APOB: variants seen among roughly 807,000 people sequenced by gnomAD.
APOB encodes apolipoprotein B-100.
In APOB, 153 loss-of-function variants were observed where a neutral mutation model predicts 314.1. The observed-to-expected ratio is 0.49, with a 90% CI of 0.43 to 0.56. The LOEUF (loss-of-function observed/expected upper bound fraction) is 0.56, where lower values mean the gene tolerates loss of function less well. Ranked by LOEUF, APOB falls within the 20% of genes least tolerant of loss-of-function variation. The probability of loss-of-function intolerance (pLI) is 0.00; values close to 1 mark genes in which losing one functional copy is unlikely to be tolerated. For missense variants in APOB, 5,430 were observed against 5,350.7 expected (o/e 1.01, Z -0.46); for synonymous variants, 2,087 against 2,036.4 (o/e 1.02, Z -0.67).
chr2:21,014,205 A>G (rs1194656095), intron 24 of APOB, among the ~76,000 whole-genome samples: 1 of 152,234 alleles, frequency 6.6e-6, no homozygotes, highest in Non-Finnish European at 1.5e-5. Flanking sequence ...TGTACTGAAT[A>G]AAATATCTTA....
At chr2:21,039,310 C>T (rs1367441326) in intron 4 of APOB, among the ~76,000 whole-genome samples, 3 of 152,204 alleles carry the variant, frequency 2.0e-5, no homozygotes, top group Admixed American at 6.5e-5. Context: ...CTTGTTGTTA[C>T]ATTAATTCGC....
chr2:21,008,393 C>T lies in APOB; in HGVS notation c.8475G>A (p.Lys2825=). The change falls in exon 26 of 29, where the codon AAG becomes AAA. Residue 2825 remains lysine (K), a synonymous_variant. Coordinates refer to ENST00000233242, the MANE Select transcript of APOB (RefSeq NM_000384.3). ...SNPKINPLAL[K]ESVKFSSKYL... is the part of the protein sequence containing the mutation. Reference sequence around the variant, plus strand: ...ACTTGCTGGAGAACTTCACTGACTCCTTCAGAGCCAGCGGATTAATCTTAG... The same window carrying T: ...ACTTGCTGGAGAACTTCACTGACTCTTTCAGAGCCAGCGGATTAATCTTAG... The T allele has an allele frequency of 6.2e-7, 1 of 1,614,064 alleles. No individual in the cohort carries two copies. The highest frequency in any genetic ancestry group is 8.5e-7 in the Non-Finnish European group (1 of 1,179,964).
In APOB at chr2:21,008,413, T is replaced by A; in HGVS notation, c.8455A>T (p.Ile2819Phe). ...QANAQLSNPKINPLALKESVK... is the reference protein window; with the variant it reads ...QANAQLSNPKFNPLALKESVK... ...GACTCCTTCAGAGCCAGCGGATTAA[T>A]CTTAGGGTTTGAGAGTTGTGCATTT... The change falls in exon 26 of 29, where the codon ATT becomes TTT. Residue 2819 changes from isoleucine (I) to phenylalanine (F), a missense_variant. By Grantham distance (21) the Ile-to-Phe change is conservative. Transcript: ENST00000233242. 3 of 1,614,094 alleles carry A rather than the reference T, an allele frequency of 1.9e-6. No homozygotes were observed. Among genetic ancestry groups the A allele is most frequent in the African/African-American group, 2.7e-5 (2 of 75,032 alleles).
intron 20 of APOB, among the ~76,000 whole-genome samples, chr2:21,016,908 C>T (rs1009177936): frequency 2.6e-5 from 4 of 151,424 alleles, no homozygotes; most frequent in South Asian, 2.1e-4. Flanking sequence ...GGCATGAACC[C>T]GGGAGGCGGG....
In APOB at chr2:21,002,630, A is replaced by C. The variant is rs1170258448; in HGVS notation, c.12792T>G (p.Asp4264Glu). 1.2e-6 allele frequency: 2 copies of C among 1,613,860 alleles called. No homozygotes were observed. The change falls in exon 29 of 29, where the codon GAT (aspartate) becomes GAG (glutamate). Residue 4264 changes from aspartate to glutamate, a missense_variant. Asp to Glu is a conservative substitution (Grantham distance 45). Coordinates refer to ENST00000233242, the MANE Select transcript of APOB (RefSeq NM_000384.3). ...PFELRKHKLI[D>E]VISMYRELLK... is the part of the protein sequence containing the mutation. ...ACAGTTCCCTATACATCGAGATTAC[A>C]TCTATTAGTTTATGTTTCCTTAACT...
chr2:21,040,882 GT>G, intron 4 of APOB, 55 bp downstream of exon 4: 6 of 1,604,256 alleles, frequency 3.7e-6, no homozygotes, highest in Non-Finnish European at 4.3e-6. Flanking sequence ...AAACACACAA[GT>G]TCATACCTCA....
At position 21,012,133 on chromosome 2, in the gene APOB, T is replaced by C. The variant is rs751381550; in HGVS notation, c.4735A>G (p.Lys1579Glu). The change falls in exon 26 of 29, where the codon AAG (lysine) becomes GAG (glutamate). Residue 1579 changes from lysine (K) to glutamate (E), a missense_variant. Physicochemically the swap from Lys to Glu is moderately conservative, Grantham distance 56. Coordinates refer to ENST00000233242, the MANE Select transcript of APOB (RefSeq NM_000384.3). ...TLKSDTNGKY[K>E]NFATSNKMDM... ...ATCTTGTTAGAAGTGGCAAAGTTCT[T>C]ATACTTCCCATTGGTGTCAGATTTT... The C allele has an allele frequency of 1.9e-6, 3 of 1,606,506 alleles. No individual in the cohort carries two copies. The South Asian group carries it at 3.3e-5, about 18-fold the overall frequency.
Position 21,017,313 on chromosome 2 carries a change from G to T in APOB, c.3122-664C>A, listed in dbSNP as rs535824398. 4.6e-5 allele frequency among the ~76,000 whole-genome samples: 7 copies of T among 152,214 alleles called. No individual in the cohort carries two copies. In the South Asian group the frequency reaches 1.2e-3, roughly 27 times the overall value. On this transcript the variant is annotated intron_variant, in intron 20 of 28. Transcript: ENST00000233242. ...TTTCATGGGGCTTACCTTCTAGTGG[G>T]GGAGGTGTACAGGCAATAAACAAGT...
chr2:21,024,776 A>C (rs1344923110), intron 16 of APOB, 157 bp downstream of exon 16: 3 of 776,772 alleles, frequency 3.9e-6, no homozygotes, highest in Non-Finnish European at 4.6e-6. Context: ...GTGATCCAAG[A>C]GTCATCTTCA....
intron 4 of APOB, among the ~76,000 whole-genome samples, chr2:21,040,070 T>A (rs2103386637): frequency 6.6e-6 from 1 of 152,246 alleles, no homozygotes; most frequent in Middle Eastern, 3.4e-3. Context: ...CCCGTGCTGT[T>A]CTCGTGATTG....
intron 2 of APOB, 106 bp downstream of exon 2, chr2:21,043,407 C>G: frequency 7.4e-7 from 1 of 1,350,920 alleles, no homozygotes; most frequent in Middle Eastern, 1.8e-4. Context: ...CAAGGCACAC[C>G]ACGATGCCAT....
In APOB at chr2:21,043,561, A is replaced by G. The variant is rs762185387; in HGVS notation, c.83-10T>C. 3.8e-6 allele frequency: 6 copies of G among 1,598,592 alleles called. No homozygotes were observed. In the Admixed American group the frequency reaches 6.9e-5, roughly 18 times the overall value. ...TCCAGCATTTCCTCTTCTGTAAGAC[A>G]GGAGAAAGAAATCTGTGAGCTTCCC... On this transcript the variant is annotated splice_polypyrimidine_tract_variant and intron_variant, in intron 1 of 28. Coordinates refer to ENST00000233242, the MANE Select transcript of APOB (RefSeq NM_000384.3).
chr2:21,035,623 A>G lies in APOB; in HGVS notation c.779T>C (p.Ile260Thr), dbSNP rs1244158212. 3.7e-6 allele frequency: 6 copies of G among 1,613,992 alleles called. No homozygotes were observed. The South Asian group carries it at 4.4e-5, about 12-fold the overall frequency. The change falls in exon 7 of 29, where the codon ATC (isoleucine) becomes ACC (threonine). Residue 260 changes from isoleucine (I) to threonine (T), a missense_variant. Ile to Thr is a moderately conservative substitution (Grantham distance 89). Coordinates refer to ENST00000233242, the MANE Select transcript of APOB (RefSeq NM_000384.3). Reference protein sequence around the residue: ...DAKRKHVAEAICKEQHLFLPF... With the variant: ...DAKRKHVAEATCKEQHLFLPF... ...CAGGAAGAGGTGTTGCTCCTTGCAGATGGCTTCTGCCACATGCTTCCTCTT... is the reference window on the plus strand; with the variant it reads ...CAGGAAGAGGTGTTGCTCCTTGCAGGTGGCTTCTGCCACATGCTTCCTCTT...
Position 21,043,565 on chromosome 2 carries a change from G to T in APOB, c.83-14C>A. 1 of 1,597,750 alleles carries T rather than the reference G, an allele frequency of 6.3e-7. No individual in the cohort carries two copies. The highest frequency in any genetic ancestry group is 8.5e-7 in the Non-Finnish European group (1 of 1,171,986). On this transcript the variant is annotated splice_polypyrimidine_tract_variant and intron_variant, in intron 1 of 28. Transcript: ENST00000233242. ...GCATTTCCTCTTCTGTAAGACAGGA[G>T]AAAGAAATCTGTGAGCTTCCCACGT...
Position 21,008,055 on chromosome 2 carries a change from T to C in APOB, c.8813A>G (p.Asp2938Gly), listed in dbSNP as rs377687939. The C allele has an allele frequency of 3.1e-6, 5 of 1,613,982 alleles. No individual in the cohort carries two copies. The African/African-American group carries it at 6.7e-5, about 22-fold the overall frequency. ...SWKWACPRFS[D>G]EGTHESQISF... ...AATTTGTGATTCATGTGTTCCCTCA[T>C]CTGAGAATCTGGGGCAGGCCCATTT... The change falls in exon 26 of 29, where the codon GAT becomes GGT. Residue 2938 changes from aspartate (D) to glycine (G), a missense_variant. Around this residue, in one of 3 missense-constraint regions of APOB, gnomAD observed 3,281 missense variants for 3,171.0 expected, o/e 1.03. Coordinates refer to ENST00000233242, the MANE Select transcript of APOB (RefSeq NM_000384.3).
Position 21,014,461 on chromosome 2 carries a change from G to A in APOB, c.3829C>T (p.Leu1277Phe), listed in dbSNP as rs544542990. The A allele has an allele frequency of 6.5e-5, 105 of 1,614,134 alleles. 1 individual carries two copies. In the South Asian group the frequency reaches 1.1e-3, roughly 18 times the overall value. The change falls in exon 24 of 29, where the codon CTC (leucine) becomes TTC (phenylalanine). Residue 1277 changes from leucine to phenylalanine, a missense_variant. Physicochemically the swap from Leu to Phe is conservative, Grantham distance 22. Transcript: ENST00000233242. The stretch of plus-strand genomic sequence containing the variant: ...TTCTTCTTTTACCTTTTTAAGAAGA[G>A]GTTTTCTGGGATGTGGAAGTCTGGC... Reference protein sequence around the residue: ...GLPDFHIPENLFLKSDGRVKY... With the variant: ...GLPDFHIPENFFLKSDGRVKY...
intron 14 of APOB, 31 bp downstream of exon 14, chr2:21,027,797 G>A: frequency 6.5e-7 from 1 of 1,532,478 alleles, no homozygotes. Flanking sequence ...GTACAAAATG[G>A]GCTAGAGAAC....
At chr2:21,031,380 A>T (rs1572797910) in intron 10 of APOB, among the ~76,000 whole-genome samples, 1 of 152,360 alleles carries the variant, frequency 6.6e-6, no homozygotes, top group South Asian at 2.1e-4. Context: ...GTTGTCATTT[A>T]TAAGTGGGAG....
At position 21,028,455 on chromosome 2, in the gene APOB, C is replaced by G. The variant is rs981207307; in HGVS notation, c.1701G>C (p.Arg567Ser). The G allele has an allele frequency of 7.4e-6, 12 of 1,613,910 alleles. No homozygotes were observed. Among genetic ancestry groups the G allele is most frequent in the Non-Finnish European group, 1.0e-5 (12 of 1,179,924 alleles). Residue 567 changes from arginine (R) to serine (S), a missense_variant, in exon 13 of 29, where the codon AGG becomes AGC. Arg to Ser is a moderately radical substitution (Grantham distance 110). Around this residue, in one of 3 missense-constraint regions of APOB, gnomAD observed 2,085 missense variants for 2,079.7 expected, o/e 1.00. Transcript: ENST00000233242. Reference protein sequence around the residue: ...KRLAAYLMLMRSPSQADINKI... With the variant: ...KRLAAYLMLMSSPSQADINKI... Reference sequence around the variant, plus strand: ...TGTTAATATCTGCCTGTGAAGGACTCCTCATCAACATAAGATAGGCAGCCA... The same window carrying G: ...TGTTAATATCTGCCTGTGAAGGACTGCTCATCAACATAAGATAGGCAGCCA...
Sources: allele counts gnomAD v4.1 joint callset (sites outside exome capture counted in the v4.1 genomes callset), GRCh38; gene constraint gnomAD v4.1.1; regional missense constraint gnomAD v4.1.1; transcripts MANE v1.5; gene names NCBI Gene and HGNC (gene_info 2026-07-23, HGNC 2026-07-21).